Variants in STXBP5L observed in about 807,000 individuals in gnomAD.
STXBP5L encodes syntaxin-binding protein 5-like.
In STXBP5L, 65 loss-of-function variants were observed where a neutral mutation model predicts 144.5. The observed-to-expected ratio is 0.45, with a 90% confidence interval of 0.37 to 0.55. The LOEUF (loss-of-function observed/expected upper bound fraction) is 0.55, where lower values mean the gene tolerates loss of function less well. Ranked by LOEUF, STXBP5L falls within the 20% of genes least tolerant of loss-of-function variation. The pLI is 0.00. For synonymous variants in STXBP5L, 505 were observed against 469.6 expected (o/e 1.08, Z -0.97); for missense variants, 1,298 against 1,405.5 (o/e 0.92, Z 1.22).
chr3:121,076,425 C>A (rs894829405), intron 5 of STXBP5L, among the ~76,000 whole-genome samples: 2 of 152,128 alleles, frequency 1.3e-5, no homozygotes, highest in Non-Finnish European at 2.9e-5. Flanking sequence ...GACTCCTTTT[C>A]TTTTTCTGAT....
chr3:121,176,604 A>T (rs1052825648), intron 9 of STXBP5L, among the ~76,000 whole-genome samples: 1 of 151,860 alleles, frequency 6.6e-6, no homozygotes, highest in Non-Finnish European at 1.5e-5. Context: ...AAAAATTATG[A>T]CAGAAATGGG....
At chr3:121,359,264 G>A (rs751088202) in intron 20 of STXBP5L, among the ~76,000 whole-genome samples, 1 of 152,032 alleles carries the variant, frequency 6.6e-6, no homozygotes, top group Non-Finnish European at 1.5e-5. Context: ...TTTTAGAAAA[G>A]TCTATTCAAA....
chr3:121,064,682 A>G (rs1311287425), intron 5 of STXBP5L, among the ~76,000 whole-genome samples: 10 of 152,182 alleles, frequency 6.6e-5, no homozygotes, highest in Non-Finnish European at 1.3e-4. Flanking sequence ...ATTTTTTTGT[A>G]GAGATGTTCC....
At chr3:121,392,259 A>T (rs760144129) in intron 22 of STXBP5L, among the ~76,000 whole-genome samples, 3 of 152,200 alleles carry the variant, frequency 2.0e-5, no homozygotes, top group South Asian at 2.1e-4. Flanking sequence ...CCTTGGGAAA[A>T]GTGCAGTATT....
In STXBP5L at chr3:121,113,026, G is replaced by A. The variant is rs957953574; in HGVS notation, c.471-1899G>A. ...TAGTTGTTGTAACCACTACTCATCA[G>A]TTGGACATTGAATATAAGGTGAAAC... On this transcript the variant is annotated intron_variant, in intron 5 of 26. Transcript: ENST00000471454. 8.5e-5 allele frequency among the ~76,000 whole-genome samples: 13 copies of A among 152,088 alleles called. No individual in the cohort carries two copies. In the East Asian group the frequency reaches 2.1e-3, roughly 25 times the overall value.
At chr3:121,368,068 C>T (rs539247710) in intron 20 of STXBP5L, among the ~76,000 whole-genome samples, 13 of 151,796 alleles carry the variant, frequency 8.6e-5, no homozygotes, top group Admixed American at 7.9e-4. Flanking sequence ...ATTTTCTCTG[C>T]CCCTTTCTGT....
At chr3:121,220,615 T>A (rs2108285027) in intron 10 of STXBP5L, among the ~76,000 whole-genome samples, 1 of 152,256 alleles carries the variant, frequency 6.6e-6, no homozygotes, top group East Asian at 1.9e-4. Flanking sequence ...ACATATGCTA[T>A]GAAATGCAAA....
At chr3:121,213,392 A>G (rs576545447) in intron 10 of STXBP5L, among the ~76,000 whole-genome samples, 1 of 152,088 alleles carries the variant, frequency 6.6e-6, no homozygotes, top group Non-Finnish European at 1.5e-5. Flanking sequence ...TTCAATACCT[A>G]GTTTATTGAG....
intron 2 of STXBP5L, among the ~76,000 whole-genome samples, chr3:120,941,801 T>G (rs1008435205): frequency 6.6e-6 from 1 of 151,646 alleles, no homozygotes; most frequent in Admixed American, 6.6e-5. Flanking sequence ...ATAAAGGAGT[T>G]TAGAACTTAT....
At chr3:121,184,508 T>C (rs2047290432) in intron 9 of STXBP5L, among the ~76,000 whole-genome samples, 1 of 150,974 alleles carries the variant, frequency 6.6e-6, no homozygotes, top group Non-Finnish European at 1.5e-5. Flanking sequence ...GAAGACAAGA[T>C]TAGAGAAAGC....
rs1223814574 is a variant in STXBP5L, at chr3:121,279,956, G to A, written c.2110G>A (p.Gly704Ser). ...SPRKNKQFIA[G>S]LTELNDSPVP... ...TCGAAAAAACAAACAGTTCATTGCA[G>A]GTAGGAGATAAAACAAGATGAGTTA... Residue 704 changes from glycine to serine, a missense_variant and splice_region_variant, in exon 19 of 27, where the codon GGT (glycine) becomes AGT (serine). By Grantham distance (56) the Gly-to-Ser change is moderately conservative (BLOSUM62 0). Transcript: ENST00000471454. The A allele has an allele frequency of 6.2e-7, 1 of 1,609,940 alleles. No homozygotes were observed. Among genetic ancestry groups the A allele is most frequent in the African/African-American group, 1.3e-5 (1 of 74,702 alleles).
chr3:121,250,663 G>C (rs1559905416), intron 14 of STXBP5L, 60 bp from the exon 15 acceptor site: 2 of 1,370,788 alleles, frequency 1.5e-6, no homozygotes, highest in East Asian at 2.4e-5. Flanking sequence ...CTGTACATTT[G>C]GAGTGATTAT....
At chr3:120,924,127 A>T (rs1447378481) in intron 2 of STXBP5L, among the ~76,000 whole-genome samples, 1 of 152,198 alleles carries the variant, frequency 6.6e-6, no homozygotes, top group African/African-American at 2.4e-5. Flanking sequence ...TCATTGTGTT[A>T]GACAGTAATT....
chr3:121,236,475 A>T (rs2049486524), intron 12 of STXBP5L, among the ~76,000 whole-genome samples: 1 of 152,138 alleles, frequency 6.6e-6, no homozygotes, highest in Admixed American at 6.5e-5. Context: ...ACGTGAAGGG[A>T]AGTCAGAGTG....
At chr3:121,219,116 A>G (rs966083525) in intron 10 of STXBP5L, among the ~76,000 whole-genome samples, 9 of 152,116 alleles carry the variant, frequency 5.9e-5, no homozygotes, top group Admixed American at 1.3e-4. Context: ...CATCCCACCT[A>G]CTTGTGTACA....
intron 9 of STXBP5L, among the ~76,000 whole-genome samples, chr3:121,173,042 A>T (rs2046789494): frequency 1.3e-5 from 2 of 152,176 alleles, no homozygotes; most frequent in Admixed American, 6.5e-5. Flanking sequence ...GACATGGATG[A>T]AGCTGGAAAC....
chr3:120,960,449 C>T (rs1425116969), intron 3 of STXBP5L, among the ~76,000 whole-genome samples: 1 of 152,186 alleles, frequency 6.6e-6, no homozygotes, highest in Admixed American at 6.5e-5. Flanking sequence ...GGTATAAAAA[C>T]ACATGCACAC....
intron 3 of STXBP5L, among the ~76,000 whole-genome samples, chr3:120,974,130 A>G (rs1400679432): frequency 6.6e-6 from 1 of 152,202 alleles, no homozygotes; most frequent in Non-Finnish European, 1.5e-5. Flanking sequence ...AACTTCCACA[A>G]TGGTTGAACT....
chr3:121,316,432 T>G (rs1441646113), intron 19 of STXBP5L, among the ~76,000 whole-genome samples: 1 of 152,210 alleles, frequency 6.6e-6, no homozygotes, highest in Non-Finnish European at 1.5e-5. Flanking sequence ...GATGAAACTC[T>G]TTCTAACATA....
Sources: gnomAD v4.1 joint callset for allele counts (sites outside exome capture counted in the v4.1 genomes callset) on GRCh38, gnomAD v4.1.1 for gene constraint, MANE v1.5 for transcripts, NCBI Gene and HGNC (gene_info 2026-07-23, HGNC 2026-07-21) for gene names.